Variants in BDH2 observed in about 807,000 individuals in gnomAD.
BDH2 encodes dehydrogenase/reductase SDR family member 6.
Under a neutral mutation model 33.2 loss-of-function variants are expected in BDH2, and 24 were observed. The ratio of observed to expected loss-of-function variants is 0.72; its 90% CI spans 0.52 to 1.02. The LOEUF is 1.02. Ranked by LOEUF, BDH2 falls within the 50% of genes least tolerant of loss-of-function variation. The pLI is 0.00. For missense variants in BDH2, 249 were observed against 301.6 expected (o/e 0.83, Z 1.29); for synonymous variants, 81 against 101.6 (o/e 0.80, Z 1.22).
At chr4:103,095,366 C>T (rs949236087) in intron 2 of BDH2, 85 bp from the exon 3 acceptor site, 3 of 1,010,126 alleles carry the variant, frequency 3.0e-6, no homozygotes, top group Admixed American at 1.9e-5. Context: ...TCTTTTTCTC[C>T]TTTATCTTAT....
intron 7 of BDH2, among the ~76,000 whole-genome samples, chr4:103,084,897 G>A (rs1039744187): frequency 6.8e-6 from 1 of 146,570 alleles, no homozygotes; most frequent in African/African-American, 2.6e-5. Flanking sequence ...ATATTGAAAT[G>A]TTTCCCTTTC....
chr4:103,087,844 A>T lies in BDH2; in HGVS notation c.358-1304T>A, dbSNP rs1259495969. ...CAGTGTAAAGGGCCAGAGAAAAAAAATGACTTCTGTTGGGACGAGTTTCTT... is the reference window on the plus strand; with the variant it reads ...CAGTGTAAAGGGCCAGAGAAAAAAATTGACTTCTGTTGGGACGAGTTTCTT... On this transcript the variant is annotated intron_variant, in intron 5 of 9. Coordinates refer to ENST00000296424, the MANE Select transcript of BDH2 (RefSeq NM_020139.4). 4.6e-5 allele frequency among the ~76,000 whole-genome samples: 7 copies of T among 152,242 alleles called. No individual in the cohort carries two copies. The East Asian group carries it at 1.3e-3, about 29-fold the overall frequency.
chr4:103,089,975 T>C (rs1747998203), intron 5 of BDH2, among the ~76,000 whole-genome samples: 1 of 152,222 alleles, frequency 6.6e-6, no homozygotes, highest in Non-Finnish European at 1.5e-5. Context: ...ATTTTCCTGT[T>C]AATGTTCATC....
rs1194396899 is a variant in BDH2 at position 103,093,730 on chromosome 4, A to C, written c.152-1034T>G. Among the ~76,000 whole-genome samples the C allele has an allele frequency of 2.7e-5, 4 of 147,570 alleles. No individual in the cohort carries two copies. In the East Asian group the frequency reaches 7.8e-4, roughly 29 times the overall value. On this transcript the variant is annotated intron_variant, in intron 3 of 9. Coordinates refer to ENST00000296424, the MANE Select transcript of BDH2 (RefSeq NM_020139.4). ...ATATATAATAATATATGTATAATACATATAATATATAATTATCTATAATGT... is the reference window on the plus strand; with the variant it reads ...ATATATAATAATATATGTATAATACCTATAATATATAATTATCTATAATGT...
chr4:103,088,627 C>T (rs1233906473), intron 5 of BDH2, among the ~76,000 whole-genome samples: 2 of 152,142 alleles, frequency 1.3e-5, no homozygotes, highest in Non-Finnish European at 2.9e-5. Context: ...GTGCCTGGTA[C>T]ATAGTACTGC....
rs1560573281 is a variant in BDH2 at position 103,091,167 on chromosome 4, G to A, written c.357+10C>T. On this transcript the variant is annotated intron_variant, in intron 5 of 9. Transcript: ENST00000296424. ...GGTGCTTATCCTGGTGGTGGTGGTG[G>A]TGGTCTTACTTTAGGAAGGAATGCC... 1.3e-6 allele frequency: 2 copies of A among 1,573,862 alleles called. No homozygotes were observed. The highest frequency in any genetic ancestry group is 1.7e-5 in the Admixed American group (1 of 59,902).
intron 6 of BDH2, 26 bp from the exon 7 acceptor site, chr4:103,085,488 A>G (rs753827208): frequency 3.0e-5 from 48 of 1,575,028 alleles, no homozygotes; most frequent in Non-Finnish European, 3.9e-5. Flanking sequence ...AGGTTCAACA[A>G]TTGAAGGAAT....
Position 103,088,875 on chromosome 4 carries a change from A to C in BDH2, c.357+2302T>G, listed in dbSNP as rs1747932313. On this transcript the variant is annotated intron_variant, in intron 5 of 9. Coordinates refer to ENST00000296424, the MANE Select transcript of BDH2 (RefSeq NM_020139.4). Reference sequence around the variant, plus strand: ...GTTTGTGGAGCACCTCTATACGCTGAAGACTCTTCTAAGACACAGCAAGGT... The same window carrying C: ...GTTTGTGGAGCACCTCTATACGCTGCAGACTCTTCTAAGACACAGCAAGGT... Among the ~76,000 whole-genome samples the C allele has an allele frequency of 2.6e-5, 4 of 152,320 alleles. No homozygotes were observed. In the South Asian group the frequency reaches 8.3e-4, roughly 32 times the overall value.
intron 9 of BDH2, among the ~76,000 whole-genome samples, chr4:103,080,768 GCTAA>G (rs1477667276): frequency 6.6e-6 from 1 of 152,164 alleles, no homozygotes; most frequent in African/African-American, 2.4e-5. Context: ...CTAAGCTCTG[GCTAA>G]CTAAGGGTAA....
At chr4:103,095,094 A>G in intron 3 of BDH2, 109 bp downstream of exon 3, 2 of 762,222 alleles carry the variant, frequency 2.6e-6, no homozygotes, top group South Asian at 3.6e-5. Context: ...TCTAAAAAGC[A>G]CGGCAGTGGA....
chr4:103,095,784 CAG>C (rs888538357), intron 2 of BDH2, among the ~76,000 whole-genome samples: 1 of 152,132 alleles, frequency 6.6e-6, no homozygotes. Context: ...CATAATGTAA[CAG>C]AAATTGATAT....
chr4:103,090,118 C>G (rs1316725117), intron 5 of BDH2, among the ~76,000 whole-genome samples: 1 of 152,152 alleles, frequency 6.6e-6, no homozygotes, highest in Admixed American at 6.5e-5. Flanking sequence ...AAAAGTTGTT[C>G]TTCTGCATTT....
In BDH2 at chr4:103,089,395, G is replaced by A. The variant is rs1747962921; in HGVS notation, c.357+1782C>T. ...ATGATAGAGTCCAAGACCAGGATTC[G>A]ATTTTGTCAAGGTCACTTTAAACAA... On this transcript the variant is annotated intron_variant, in intron 5 of 9. Coordinates refer to ENST00000296424, the MANE Select transcript of BDH2 (RefSeq NM_020139.4). Among the ~76,000 whole-genome samples the A allele has an allele frequency of 2.0e-5, 3 of 152,310 alleles. No individual in the cohort carries two copies. The South Asian group carries it at 6.2e-4, about 32-fold the overall frequency.
chr4:103,085,880 A>G (rs1747754502), intron 6 of BDH2: 1 of 1,204,930 alleles, frequency 8.3e-7, no homozygotes, highest in Non-Finnish European at 1.0e-6. Flanking sequence ...ATGGTATCTC[A>G]GCAGTAACTA....
chr4:103,096,645 A>AT (rs1233138779), intron 1 of BDH2, among the ~76,000 whole-genome samples: 2 of 150,640 alleles, frequency 1.3e-5, no homozygotes, highest in Non-Finnish European at 2.9e-5. Flanking sequence ...GGTTCAAGCA[A>AT]TTCTCCTGCC....
At position 103,086,504 on chromosome 4, in the gene BDH2, A is replaced by T; in HGVS notation, c.394T>A (p.Ser132Thr). Residue 132 changes from serine to threonine, a missense_variant, in exon 6 of 10, where the codon TCT becomes ACT. Physicochemically the swap from Ser to Thr is moderately conservative, Grantham distance 58. Coordinates refer to ENST00000296424, the MANE Select transcript of BDH2 (RefSeq NM_020139.4). ...CCTTTGACGCTGGAAGCCACAGAAG[A>T]CATGTTGATAATATTGCCAGATTTC... ...AQKSGNIINM[S>T]SVASSVKGVV... 6.2e-7 allele frequency: 1 copy of T among 1,612,782 alleles called. No homozygotes were observed. The highest frequency in any genetic ancestry group is 1.1e-5 in the South Asian group (1 of 90,624).
intron 6 of BDH2, chr4:103,086,080 A>G (rs1560571098): frequency 8.9e-7 from 1 of 1,117,792 alleles, no homozygotes; most frequent in Admixed American, 4.7e-5. Context: ...CCTCTGTTAT[A>G]TATCATCACA....
At chr4:103,094,739 T>C (rs746129767) in intron 3 of BDH2, among the ~76,000 whole-genome samples, 9 of 152,122 alleles carry the variant, frequency 5.9e-5, no homozygotes, top group South Asian at 2.1e-4. Flanking sequence ...TTTAGATATA[T>C]TGGATAAAAG....
chr4:103,085,803 G>A, intron 6 of BDH2: 1 of 1,300,212 alleles, frequency 7.7e-7, no homozygotes. Context: ...AAAACAGGAG[G>A]CCTAGGCACT....
Sources: gnomAD v4.1 joint callset for allele counts (sites outside exome capture counted in the v4.1 genomes callset) on GRCh38, gnomAD v4.1.1 for gene constraint, MANE v1.5 for transcripts, NCBI Gene and HGNC (gene_info 2026-07-23, HGNC 2026-07-21) for gene names.